PCDHGA3: variants seen among roughly 807,000 people sequenced by gnomAD.
The protein encoded by PCDHGA3 is protocadherin gamma subfamily A, 3, also known as protocadherin gamma-A3.
In PCDHGA3, 40 loss-of-function variants were observed where a neutral mutation model predicts 58.5. The observed-to-expected ratio is 0.68, with a 90% CI of 0.53 to 0.89. The LOEUF (loss-of-function observed/expected upper bound fraction) is 0.89. PCDHGA3 is among the 40% of genes least tolerant of loss of function. The pLI, the probability that PCDHGA3 is intolerant of heterozygous loss-of-function variation, is 0.00. For synonymous variants in PCDHGA3, 530 were observed against 525.7 expected, an observed-to-expected ratio of 1.01 and a Z score of -0.11; for missense variants, 1,223 against 1,195.9, an observed-to-expected ratio of 1.02 and a Z score of -0.33.
intron 1 of PCDHGA3, chr5:141,399,180 G>T (rs1454578078): frequency 3.7e-6 from 6 of 1,613,798 alleles, no homozygotes; most frequent in Admixed American, 1.7e-5. Flanking sequence ...TACTTGAAAT[G>T]ATTCTGGAAA....
Position 141,489,352 on chromosome 5 carries a change from G to A in PCDHGA3, c.2425-5455G>A, listed in dbSNP as rs1336068787. 1.9e-6 allele frequency: 3 copies of A among 1,612,152 alleles called. No homozygotes were observed. In the Admixed American group the frequency reaches 5.0e-5, roughly 27 times the overall value. On this transcript the variant is annotated intron_variant, in intron 1 of 3. Transcript: ENST00000253812. The surrounding 1 kb of genome is among the most constrained non-coding windows in gnomAD (Gnocchi z 4.5). ...GCAGCTTCGTTACTCAGTGGTGGAG[G>A]AGTCTGAGCCGGGGACGCTGGTGGG...
Position 141,512,910 on chromosome 5 carries a change from T to C in PCDHGA3, c.*1737T>C, listed in dbSNP as rs2099884499. On this transcript the variant is annotated 3_prime_UTR_variant, in exon 4 of 4. Transcript: ENST00000253812. Reference sequence around the variant, plus strand: ...CTCTTCCTGTGTCTCACGCAAGTTTTATACTCTAATATTTATATGGCTTTT... The same window carrying C: ...CTCTTCCTGTGTCTCACGCAAGTTTCATACTCTAATATTTATATGGCTTTT... 1 of 152,274 alleles carries C rather than the reference T, an allele frequency of 6.6e-6. No homozygotes were observed. The highest frequency in any genetic ancestry group is 2.1e-4 in the South Asian group (1 of 4,836). 9.4% of individuals were successfully genotyped at this position (152,274 alleles called of 1,614,324 possible). A position where few individuals can be genotyped will look rare whatever the true frequency, so the allele number is the denominator to read the frequency against.
chr5:141,389,171 C>G (rs772221999), intron 1 of PCDHGA3: 11 of 1,613,892 alleles, frequency 6.8e-6, no homozygotes, highest in Admixed American at 3.3e-5. Context: ...GCAAGCCTCC[C>G]CTCTCCTCCA....
chr5:141,388,402 G>C, intron 1 of PCDHGA3: 1 of 1,613,972 alleles, frequency 6.2e-7, no homozygotes, highest in Non-Finnish European at 8.5e-7. Context: ...TACCAACTCA[G>C]TCCCAGTGAT....
At chr5:141,380,054 C>T (rs1441784259) in intron 1 of PCDHGA3, among the ~76,000 whole-genome samples, 1 of 151,916 alleles carries the variant, frequency 6.6e-6, no homozygotes, top group South Asian at 2.1e-4. Flanking sequence ...TGCATGCCAC[C>T]ATGCCTAGCT....
intron 1 of PCDHGA3, chr5:141,364,256 A>G (rs949451057): frequency 6.7e-6 from 10 of 1,494,914 alleles, no homozygotes; most frequent in Non-Finnish European, 8.9e-6. Flanking sequence ...GGGAATATGT[A>G]CCCATCGGCT....
chr5:141,444,406 G>A (rs1296878411), intron 1 of PCDHGA3, among the ~76,000 whole-genome samples: 1 of 151,874 alleles, frequency 6.6e-6, no homozygotes, highest in Non-Finnish European at 1.5e-5. Context: ...CCCAACCTCA[G>A]GTGATCTTCC....
chr5:141,494,400 C>A (rs2099754045), intron 1 of PCDHGA3, among the ~76,000 whole-genome samples: 1 of 152,158 alleles, frequency 6.6e-6, no homozygotes, highest in African/African-American at 2.4e-5. Flanking sequence ...TAAATTCATT[C>A]TAGGGCTGGT....
chr5:141,426,596 C>T (rs1408090148), intron 1 of PCDHGA3: 9 of 377,102 alleles, frequency 2.4e-5, no homozygotes, highest in Middle Eastern at 3.9e-4. Context: ...GTGTCATACC[C>T]TTAGAGATTG....
intron 1 of PCDHGA3, chr5:141,374,688 G>T (rs750510871): frequency 1.2e-6 from 2 of 1,609,528 alleles, no homozygotes; most frequent in South Asian, 2.2e-5. Context: ...ACACTGGACC[G>T]GGAAGGAGAA....
chr5:141,499,565 C>CTTATCTTGT (rs2099792732), intron 2 of PCDHGA3, among the ~76,000 whole-genome samples: 2 of 152,168 alleles, frequency 1.3e-5, no homozygotes, highest in Non-Finnish European at 2.9e-5. Flanking sequence ...CACTATCCAG[C>CTTATCTTGT]TTCAACTAAT....
At chr5:141,360,838 G>A (rs776801696) in intron 1 of PCDHGA3, 2 of 1,614,002 alleles carry the variant, frequency 1.2e-6, no homozygotes, top group Admixed American at 1.7e-5. Flanking sequence ...AGTCACGGAT[G>A]CCAACGATAA....
chr5:141,345,771 C>A lies in PCDHGA3; in HGVS notation c.1738C>A (p.Arg580Ser). 6.2e-7 allele frequency: 1 copy of A among 1,614,170 alleles called. No homozygotes were observed. The highest frequency in any genetic ancestry group is 1.3e-5 in the African/African-American group (1 of 75,058). The change falls in exon 1 of 4, where the codon CGC (arginine) becomes AGC (serine). Residue 580 changes from arginine (R) to serine (S), a missense_variant. Transcript: ENST00000253812. ...DGSTGVELAP[R>S]SAEPGYLVTK... ...TTCCACTGGCGTGGAGCTGGCGCCT[C>A]GCTCCGCAGAGCCCGGCTACCTGGT...
intron 1 of PCDHGA3, among the ~76,000 whole-genome samples, chr5:141,471,999 T>C (rs577046645): frequency 3.9e-5 from 6 of 152,230 alleles, no homozygotes; most frequent in Admixed American, 2.0e-4. Flanking sequence ...AATCCCTGCA[T>C]CGTATAGGGG....
intron 1 of PCDHGA3, among the ~76,000 whole-genome samples, chr5:141,470,752 C>T (rs1427502169): frequency 6.6e-6 from 1 of 152,178 alleles, no homozygotes; most frequent in Non-Finnish European, 1.5e-5. Flanking sequence ...GGCTGGAGTG[C>T]AGTGGACTCA....
At chr5:141,492,265 G>C (rs1363279754) in intron 1 of PCDHGA3, among the ~76,000 whole-genome samples, 1 of 152,180 alleles carries the variant, frequency 6.6e-6, no homozygotes, top group Non-Finnish European at 1.5e-5. Flanking sequence ...CAAGTTGCAC[G>C]GGCTCGCCAC....
At chr5:141,481,779 C>T (rs1367771159) in intron 1 of PCDHGA3, among the ~76,000 whole-genome samples, 2 of 152,092 alleles carry the variant, frequency 1.3e-5, no homozygotes, top group Non-Finnish European at 2.9e-5. Flanking sequence ...TGGTGAAACC[C>T]CGTCTCTACT....
chr5:141,346,448 C>A lies in PCDHGA3; in HGVS notation c.2415C>A (p.Asn805Lys). 1 of 1,614,228 alleles carries A rather than the reference C, an allele frequency of 6.2e-7. No individual in the cohort carries two copies. Among genetic ancestry groups the A allele is most frequent in the Non-Finnish European group, 8.5e-7 (1 of 1,180,042 alleles). Reference sequence around the variant, plus strand: ...TACTTGAAATGAAAGGAGATTCCAACCTACTTCAGGTGAGTTTATTTATTT... The same window carrying A: ...TACTTGAAATGAAAGGAGATTCCAAACTACTTCAGGTGAGTTTATTTATTT... The part of the protein sequence containing the change: ...QDLLEMKGDS[N>K]LLQQAPPNTD... Residue 805 changes from asparagine to lysine, a missense_variant, in exon 1 of 4, where the codon AAC becomes AAA. Coordinates refer to ENST00000253812, the MANE Select transcript of PCDHGA3 (RefSeq NM_018916.4).
rs1368451336 is a variant in PCDHGA3 at position 141,505,377 on chromosome 5, C to T, written c.2484-16C>T. ...CGGCCTGGGAGTCTGTGCTCACCAT[C>T]CTACTCTCTCCCCAGCTCCCAAAAT... On this transcript the variant is annotated splice_polypyrimidine_tract_variant and intron_variant, in intron 2 of 3. Transcript: ENST00000253812. The T allele has an allele frequency of 6.2e-7, 1 of 1,614,036 alleles. No individual in the cohort carries two copies. Among genetic ancestry groups the T allele is most frequent in the Non-Finnish European group, 8.5e-7 (1 of 1,179,954 alleles).
Sources: allele counts gnomAD v4.1 joint callset (sites outside exome capture counted in the v4.1 genomes callset), GRCh38; gene constraint gnomAD v4.1.1; non-coding constraint Gnocchi (gnomAD v3.1); transcripts MANE v1.5; gene names NCBI Gene and HGNC (gene_info 2026-07-23, HGNC 2026-07-21).